ODC1: variants seen among roughly 807,000 people sequenced by gnomAD.
The protein encoded by ODC1 is ornithine decarboxylase.
A neutral mutation model predicts 41.5 loss-of-function variants in ODC1; 18 were observed. The observed-to-expected ratio is 0.43, with a 90% confidence interval of 0.30 to 0.64. ODC1 has a LOEUF of 0.64. Among genes scored for constraint, ODC1 ranks in the 30% least tolerant of loss-of-function variants. The probability of loss-of-function intolerance (pLI) is 0.11; values close to 1 mark genes in which losing one functional copy is unlikely to be tolerated. For synonymous variants in ODC1, 218 were observed against 211.6 expected (o/e 1.03, Z -0.26); for missense variants, 504 against 589.0 (o/e 0.86, Z 1.49).
At chr2:10,441,796 T>A in intron 10 of ODC1, 21 bp downstream of exon 10, 8 of 1,613,130 alleles carry the variant, frequency 5.0e-6, no homozygotes, top group South Asian at 2.2e-5. Context: ...AATTGTTTTA[T>A]ACAGTATGCT....
chr2:10,444,413 C>T lies in ODC1; in HGVS notation c.276+61G>A, dbSNP rs541799503. Reference sequence around the variant, plus strand: ...CCCAAAAAACACAACTTGTATCTGCCTCGTGGGGAATACCAGGCCCATTTT... The same window carrying T: ...CCCAAAAAACACAACTTGTATCTGCTTCGTGGGGAATACCAGGCCCATTTT... On this transcript the variant is annotated intron_variant, in intron 4 of 11. Coordinates refer to ENST00000234111, the MANE Select transcript of ODC1 (RefSeq NM_002539.3). 3.6e-5 allele frequency: 56 copies of T among 1,538,096 alleles called. No individual in the cohort carries two copies. The Admixed American group carries it at 1.1e-3, about 30-fold the overall frequency.
intron 5 of ODC1, 50 bp from the exon 6 acceptor site, chr2:10,443,886 T>C (rs1452820338): frequency 6.2e-7 from 1 of 1,600,980 alleles, no homozygotes; most frequent in Admixed American, 1.7e-5. Context: ...TGTTCACTTA[T>C]AGCCACAATT....
intron 8 of ODC1, among the ~76,000 whole-genome samples, chr2:10,442,676 G>A (rs1044637425): frequency 6.6e-6 from 1 of 152,050 alleles, no homozygotes; most frequent in Non-Finnish European, 1.5e-5. Flanking sequence ...ATGTGCTACA[G>A]TCAGCATATT....
chr2:10,443,826 G>C lies in ODC1; in HGVS notation c.460C>G (p.Arg154Gly). 1 of 1,613,784 alleles carries C rather than the reference G, an allele frequency of 6.2e-7. No individual in the cohort carries two copies. Among genetic ancestry groups the C allele is most frequent in the Non-Finnish European group, 8.5e-7 (1 of 1,179,760 alleles). ...RAHPKAKLVL[R>G]IATDDSKAVC... ...GCTTTGGAATCATCAGTGGCAATCC[G>C]CAAAACCAACCTACAAGCAAGGAAA... The change falls in exon 6 of 12, where the codon CGG becomes GGG. Residue 154 changes from arginine to glycine, a missense_variant. Arg to Gly is a moderately radical substitution (Grantham distance 125). This residue lies in a region of ODC1 where 447 missense variants were observed against 524.4 expected (regional missense o/e 0.85). Transcript: ENST00000234111.
chr2:10,444,388 C>A, intron 4 of ODC1, 86 bp downstream of exon 4: 1 of 1,511,584 alleles, frequency 6.6e-7, no homozygotes. Flanking sequence ...GCATTTATTG[C>A]CCAAAAAACA....
intron 2 of ODC1, 47 bp from the exon 3 acceptor site, chr2:10,445,096 GC>G (rs1381180179): frequency 1.0e-6 from 1 of 979,772 alleles, no homozygotes. Flanking sequence ...TCACTTAGAA[GC>G]CTTAGCAATA....
intron 7 of ODC1, 40 bp from the exon 8 acceptor site, chr2:10,443,353 T>C: frequency 6.3e-7 from 1 of 1,591,058 alleles, no homozygotes. Flanking sequence ...CCACAGCTAA[T>C]AACAAAAATG....
chr2:10,444,353 C>T (rs1671942164), intron 4 of ODC1, 86 bp from the exon 5 acceptor site: 3 of 1,508,834 alleles, frequency 2.0e-6, no homozygotes, highest in Non-Finnish European at 2.7e-6. Context: ...GTCATGTACC[C>T]CCCCGCCCCA....
At position 10,444,237 on chromosome 2, in the gene ODC1, C is replaced by T. The variant is rs780383631; in HGVS notation, c.307G>A (p.Val103Met). The stretch of plus-strand genomic sequence containing the variant: ...GCATAGATAATCCTCTCTGGAGGCA[C>T]CCCCAGACTCTGCACCAACTGTATT... ...TEIQLVQSLG[V>M]PPERIIYANP... is the part of the protein sequence containing the mutation. The change falls in exon 5 of 12, where the codon GTG becomes ATG. Residue 103 changes from valine to methionine, a missense_variant. By Grantham distance (21) the Val-to-Met change is conservative. This residue lies in a region of ODC1 where 447 missense variants were observed against 524.4 expected (regional missense o/e 0.85). Transcript: ENST00000234111. 1 of 1,600,236 alleles carries T rather than the reference C, an allele frequency of 6.2e-7. No homozygotes were observed. Among genetic ancestry groups the T allele is most frequent in the South Asian group, 1.1e-5 (1 of 88,114 alleles).
intron 4 of ODC1, 46 bp from the exon 5 acceptor site, chr2:10,444,313 C>A (rs372154312): frequency 1.3e-6 from 2 of 1,534,302 alleles, no homozygotes; most frequent in East Asian, 2.3e-5. Flanking sequence ...TGGCTTAACA[C>A]GTGGAATAAA....
Position 10,443,269 on chromosome 2 carries a change from G to A in ODC1, c.711C>T (p.Gly237=). ...FSMYLLDIGG[G]FPGSEDVKLK... is the part of the protein sequence containing the mutation. ...GTTTCACATCCTCAGATCCAGGAAA[G>A]CCACCGCCAATATCAAGCAGATACA... Residue 237 remains glycine, a synonymous_variant, in exon 8 of 12, where the codon GGC becomes GGT. Transcript: ENST00000234111. 2 of 1,612,784 alleles carry A rather than the reference G, an allele frequency of 1.2e-6. No individual in the cohort carries two copies. Among genetic ancestry groups the A allele is most frequent in the South Asian group, 1.1e-5 (1 of 90,744 alleles).
intron 1 of ODC1, among the ~76,000 whole-genome samples, chr2:10,445,995 T>C (rs1671999680): frequency 6.6e-6 from 1 of 152,250 alleles, no homozygotes; most frequent in Non-Finnish European, 1.5e-5. Context: ...ACAGGCATCA[T>C]GGAAATGTCT....
intron 8 of ODC1, among the ~76,000 whole-genome samples, chr2:10,442,885 A>T (rs1671877127): frequency 6.6e-6 from 1 of 151,264 alleles, no homozygotes; most frequent in Non-Finnish European, 1.5e-5. Flanking sequence ...TAATTTTAAA[A>T]TTTTTTTTGT....
chr2:10,444,770 T>C, intron 3 of ODC1, 123 bp from the exon 4 acceptor site: 4 of 880,462 alleles, frequency 4.5e-6, no homozygotes, highest in Non-Finnish European at 7.1e-6. Flanking sequence ...GCCACTGATA[T>C]GAGTATCACC....
At position 10,445,238 on chromosome 2, in the gene ODC1, G is replaced by C; in HGVS notation, c.-101C>G. ...CTCCAGGAATTCCAAATCCCTCTGC[G>C]TGTGCCCTTGGAACAGCAGTGACAA... On this transcript the variant is annotated 5_prime_UTR_variant, in exon 2 of 12. Coordinates refer to ENST00000234111, the MANE Select transcript of ODC1 (RefSeq NM_002539.3). 2.0e-6 allele frequency: 1 copy of C among 501,238 alleles called. No homozygotes were observed. The highest frequency in any genetic ancestry group is 3.6e-6 in the Non-Finnish European group (1 of 276,964). The allele number at this position is 501,238 out of a possible 1,614,324, so 31.0% of individuals were successfully genotyped here. A position where few individuals can be genotyped will look rare whatever the true frequency, so the allele number is the denominator to read the frequency against.
chr2:10,443,206 T>A, intron 8 of ODC1, 24 bp downstream of exon 8: 1 of 1,556,822 alleles, frequency 6.4e-7, no homozygotes, highest in Non-Finnish European at 8.8e-7. Context: ...GGCTACTGAG[T>A]ATTACAGTTT....
intron 6 of ODC1, 29 bp downstream of exon 6, chr2:10,443,673 G>A (rs766441407): frequency 8.7e-6 from 14 of 1,612,714 alleles, no homozygotes; most frequent in African/African-American, 1.3e-5. Flanking sequence ...TCAATGTCTT[G>A]ACCTCTAGCT....
Position 10,440,229 on chromosome 2 carries a change from T to C in ODC1, c.*495A>G, listed in dbSNP as rs1229413798. 2 of 154,880 alleles carry C rather than the reference T, an allele frequency of 1.3e-5. No individual in the cohort carries two copies. The highest frequency in any genetic ancestry group is 4.8e-5 in the African/African-American group (2 of 41,478). The allele number at this position is 154,880 out of a possible 1,614,324, so 9.6% of individuals were successfully genotyped here. ...GGACATGTGGGGTGGGCTGAGCAGATGTGCACCGTCCACATGGGAGGATGG... is the reference window on the plus strand; with the variant it reads ...GGACATGTGGGGTGGGCTGAGCAGACGTGCACCGTCCACATGGGAGGATGG... On this transcript the variant is annotated 3_prime_UTR_variant, in exon 12 of 12. Transcript: ENST00000234111.
chr2:10,440,925 G>GA, intron 11 of ODC1, 57 bp from the exon 12 acceptor site: 1 of 1,577,212 alleles, frequency 6.3e-7, no homozygotes, highest in Non-Finnish European at 8.6e-7. Context: ...CTGGGCATGA[G>GA]AGTATTTACT....
Sources: allele counts gnomAD v4.1 joint callset (sites outside exome capture counted in the v4.1 genomes callset), GRCh38; gene constraint gnomAD v4.1.1; regional missense constraint gnomAD v4.1.1; transcripts MANE v1.5; gene names NCBI Gene and HGNC (gene_info 2026-07-23, HGNC 2026-07-21).